PXDNL: variants seen among roughly 807,000 people sequenced by gnomAD.
The protein encoded by PXDNL is probable oxidoreductase PXDNL.
Under a neutral mutation model 150.8 loss-of-function variants are expected in PXDNL, and 145 were observed. The ratio of observed to expected loss-of-function variants is 0.96; its 90% CI spans 0.84 to 1.10. PXDNL has a LOEUF of 1.10. Among genes scored for constraint, PXDNL ranks in the 50% least tolerant of loss-of-function variants. The pLI, the probability that PXDNL is intolerant of heterozygous loss-of-function variation, is 0.00. For missense variants in PXDNL, 2,087 were observed against 1,873.9 expected (o/e 1.11, Z -2.10); for synonymous variants, 757 against 725.7 (o/e 1.04, Z -0.69).
At chr8:51,474,231 A>G (rs1410532445) in intron 7 of PXDNL, among the ~76,000 whole-genome samples, 1 of 152,178 alleles carries the variant, frequency 6.6e-6, no homozygotes, top group African/African-American at 2.4e-5. Flanking sequence ...GACACGAATT[A>G]TCACACACAT....
At chr8:51,623,295 C>G (rs567383740) in intron 2 of PXDNL, among the ~76,000 whole-genome samples, 37 of 152,282 alleles carry the variant, frequency 2.4e-4, no homozygotes, top group African/African-American at 8.9e-4. Context: ...CCTAAGGTAG[C>G]CTTGTTTCAC....
intron 21 of PXDNL, among the ~76,000 whole-genome samples, chr8:51,324,315 T>C (rs1042768963): frequency 6.6e-6 from 1 of 151,776 alleles, no homozygotes; most frequent in African/African-American, 2.4e-5. Flanking sequence ...AGCATTAGGT[T>C]GAATAAGAGT....
chr8:51,575,679 C>T (rs748009606), intron 3 of PXDNL, among the ~76,000 whole-genome samples: 4 of 152,200 alleles, frequency 2.6e-5, no homozygotes, highest in African/African-American at 7.2e-5. Context: ...CACACCATTG[C>T]ACTCCAGTCT....
chr8:51,327,855 A>G (rs1001755938), intron 21 of PXDNL, among the ~76,000 whole-genome samples: 36 of 152,344 alleles, frequency 2.4e-4, no homozygotes, highest in African/African-American at 8.7e-4. Flanking sequence ...TTGAAGGGCA[A>G]ACCACTAAGG....
intron 18 of PXDNL, among the ~76,000 whole-genome samples, chr8:51,372,486 G>A (rs1285456688): frequency 5.9e-5 from 9 of 152,128 alleles, no homozygotes; most frequent in Non-Finnish European, 1.0e-4. Context: ...CCGAGTTCAC[G>A]CAACTCTCCT....
intron 2 of PXDNL, among the ~76,000 whole-genome samples, chr8:51,630,660 G>A (rs1814470259): frequency 6.6e-6 from 1 of 152,062 alleles, no homozygotes; most frequent in Admixed American, 6.6e-5. Flanking sequence ...CATACGCACA[G>A]CCAACAAGCA....
chr8:51,792,771 G>A (rs1029548659), intron 1 of PXDNL, among the ~76,000 whole-genome samples: 6 of 152,300 alleles, frequency 3.9e-5, no homozygotes, highest in South Asian at 4.1e-4. Flanking sequence ...CTCACTGGGC[G>A]GGGCCTCCCT....
At chr8:51,772,237 T>TATAC (rs1554514682) in intron 1 of PXDNL, among the ~76,000 whole-genome samples, 15 of 130,440 alleles carry the variant, frequency 1.1e-4, no homozygotes, top group African/African-American at 3.7e-4. Flanking sequence ...TCTCTCTATA[T>TATAC]ACACACACAC....
chr8:51,608,002 G>GAAGAAAGAAAGAAAGA lies in PXDNL; in HGVS notation c.237-15320_237-15305dup, dbSNP rs71237219. On this transcript the variant is annotated intron_variant, in intron 2 of 22. Coordinates refer to ENST00000356297, the MANE Select transcript of PXDNL (RefSeq NM_144651.5). ...GGAAGGAAGAGAGAGAGGAAGGAAG[G>GAAGAAAGAAAGAAAGA]AAGAAAGAAAGAAAGAAAGAAAGAA... 1.2e-3 allele frequency among the ~76,000 whole-genome samples: 77 copies of GAAGAAAGAAAGAAAGA among 64,562 alleles called. 1 individual carries two copies. Among genetic ancestry groups the GAAGAAAGAAAGAAAGA allele is most frequent in the Non-Finnish European group, 1.5e-3 (54 of 35,548 alleles). 42.4% of individuals were successfully genotyped at this position (64,562 alleles called of 152,430 possible).
intron 8 of PXDNL, among the ~76,000 whole-genome samples, chr8:51,463,448 G>C (rs1421331472): frequency 6.6e-6 from 1 of 151,448 alleles, no homozygotes; most frequent in Non-Finnish European, 1.5e-5. Context: ...TCATGTAATT[G>C]GAAAACAAAA....
chr8:51,440,277 G>A (rs1253812359), intron 12 of PXDNL, among the ~76,000 whole-genome samples: 5 of 152,052 alleles, frequency 3.3e-5, no homozygotes, highest in African/African-American at 9.7e-5. Context: ...GGGATTCGGG[G>A]GAAAGGATGG....
intron 1 of PXDNL, among the ~76,000 whole-genome samples, chr8:51,671,828 C>G (rs1266406547): frequency 6.6e-6 from 1 of 152,152 alleles, no homozygotes; most frequent in Admixed American, 6.5e-5. Flanking sequence ...CCGTCTCCTC[C>G]CTATCTCACA....
At chr8:51,487,863 G>A (rs1465976384) in intron 5 of PXDNL, among the ~76,000 whole-genome samples, 2 of 152,176 alleles carry the variant, frequency 1.3e-5, no homozygotes, top group African/African-American at 4.8e-5. Flanking sequence ...ACTTATGAAT[G>A]TAACACAAAG....
At chr8:51,495,246 C>A (rs532177930) in intron 5 of PXDNL, among the ~76,000 whole-genome samples, 20 of 152,186 alleles carry the variant, frequency 1.3e-4, no homozygotes, top group South Asian at 1.2e-3. Context: ...AACAAAGACA[C>A]AACATACCAG....
At chr8:51,373,358 T>C (rs923837314) in intron 18 of PXDNL, among the ~76,000 whole-genome samples, 2 of 152,182 alleles carry the variant, frequency 1.3e-5, no homozygotes, top group African/African-American at 4.8e-5. Flanking sequence ...CAAATTTCTG[T>C]TGTCTAAGCT....
chr8:51,373,980 G>C (rs1196526436), intron 18 of PXDNL, among the ~76,000 whole-genome samples: 1 of 152,190 alleles, frequency 6.6e-6, no homozygotes, highest in South Asian at 2.1e-4. Context: ...CCAGCCTGCT[G>C]TTTCCCATTA....
intron 4 of PXDNL, among the ~76,000 whole-genome samples, chr8:51,510,012 A>G (rs1196876361): frequency 6.6e-6 from 1 of 152,068 alleles, no homozygotes; most frequent in Non-Finnish European, 1.5e-5. Context: ...AAAGACACCC[A>G]TTAAAACTGA....
intron 1 of PXDNL, among the ~76,000 whole-genome samples, chr8:51,807,312 C>A (rs531591102): frequency 6.6e-6 from 1 of 151,412 alleles, no homozygotes; most frequent in Non-Finnish European, 1.5e-5. Flanking sequence ...GGAAGAGAGA[C>A]GCAAGAAGAG....
In PXDNL at chr8:51,319,892, T is replaced by C; in HGVS notation, c.4391A>G (p.Ter1464=). The part of the protein sequence containing the change: ...GMPSDSPEKR[*] The stretch of plus-strand genomic sequence containing the variant: ...GGGCTCAACAGCACAAAACTTTTAT[T>C]AGCGCTTCTCTGGGGAATCACTTGG... The change falls in exon 23 of 23, where the codon TAA becomes TGA. Residue 1464 remains the stop codon, a stop_retained_variant. Coordinates refer to ENST00000356297, the MANE Select transcript of PXDNL (RefSeq NM_144651.5). 5 of 1,522,398 alleles carry C rather than the reference T, an allele frequency of 3.3e-6. No homozygotes were observed. Among genetic ancestry groups the C allele is most frequent in the South Asian group, 1.3e-5 (1 of 76,852 alleles). The allele number at this position is 1,522,398 out of a possible 1,614,324, so 94.3% of individuals were successfully genotyped here. A position where few individuals can be genotyped will look rare whatever the true frequency, so the allele number is the denominator to read the frequency against.
Sources: gnomAD v4.1 joint callset for allele counts (sites outside exome capture counted in the v4.1 genomes callset) on GRCh38, gnomAD v4.1.1 for gene constraint, MANE v1.5 for transcripts, NCBI Gene and HGNC (gene_info 2026-07-23, HGNC 2026-07-21) for gene names.